The following MCPH1 variants were observed in gnomAD, a reference collection of about 807,000 sequenced individuals.
MCPH1 encodes the protein microcephalin.
In MCPH1, 104 loss-of-function variants were observed where a neutral mutation model predicts 84.5. That is an observed-to-expected ratio of 1.23 (90% CI 1.05 to 1.45). MCPH1 has a LOEUF of 1.45. Ranked by LOEUF, MCPH1 falls within the 40% of genes most tolerant of loss-of-function variation. The pLI is 0.00. For missense variants in MCPH1, 1,498 were observed against 1,005.7 expected (o/e 1.49, Z -6.62); for synonymous variants, 514 against 366.8 (o/e 1.40, Z -4.58).
In MCPH1 at chr8:6,444,400, C is replaced by T. The variant is rs368040153; in HGVS notation, c.678C>T (p.Tyr226=). 6.2e-6 allele frequency: 10 copies of T among 1,613,976 alleles called. No homozygotes were observed. In the African/African-American group the frequency reaches 1.3e-4, roughly 22 times the overall value. The change falls in exon 8 of 14, where the codon TAC becomes TAT. Residue 226 remains tyrosine (Y), a synonymous_variant. Coordinates refer to ENST00000344683, the MANE Select transcript of MCPH1 (RefSeq NM_024596.5). ...TCCGTTAATGTTTTCCAGATGAATA[C>T]TTTGCTGGTGGCTTACACTCATCTT... ...ISRDTLCSDE[Y]FAGGLHSSFD...
At chr8:6,537,940 C>T (rs566130200) in intron 12 of MCPH1, among the ~76,000 whole-genome samples, 1 of 152,034 alleles carries the variant, frequency 6.6e-6, no homozygotes, top group Non-Finnish European at 1.5e-5. Context: ...AGTTTTTGTC[C>T]ATCTGAGTGA....
intron 12 of MCPH1, chr8:6,562,936 C>G: frequency 2.5e-6 from 4 of 1,581,046 alleles, no homozygotes; most frequent in East Asian, 2.3e-5. Context: ...CTGCCACATT[C>G]TTTCTTCAGT....
At chr8:6,491,608 AATGCTATCCCTCCC>A (rs1810600517) in intron 11 of MCPH1, among the ~76,000 whole-genome samples, 1 of 151,874 alleles carries the variant, frequency 6.6e-6, no homozygotes, top group African/African-American at 2.4e-5. Context: ...TATATCTCCT[AATGCTATCCCTCCC>A]CACTCCCCCG....
chr8:6,494,414 C>T (rs1260716423), intron 11 of MCPH1: 1 of 152,152 alleles, frequency 6.6e-6, no homozygotes, highest in South Asian at 2.1e-4. Flanking sequence ...ATGGATAAGG[C>T]AGTGGATTTC....
At chr8:6,589,528 C>G (rs776360260) in intron 12 of MCPH1, among the ~76,000 whole-genome samples, 28 of 152,118 alleles carry the variant, frequency 1.8e-4, no homozygotes, top group Non-Finnish European at 1.8e-4. Context: ...ATGATGAAAT[C>G]CTGAACAACA....
intron 2 of MCPH1, among the ~76,000 whole-genome samples, chr8:6,410,150 A>G (rs1220865935): frequency 2.0e-5 from 3 of 149,288 alleles, no homozygotes; most frequent in African/African-American, 4.9e-5. Flanking sequence ...TTTTTTTTGT[A>G]TTTTTAGTAA....
At chr8:6,560,523 C>T (rs560466742) in intron 12 of MCPH1, among the ~76,000 whole-genome samples, 3 of 152,248 alleles carry the variant, frequency 2.0e-5, no homozygotes, top group African/African-American at 4.8e-5. Context: ...GTAAACCGAG[C>T]GAGAGTGCAA....
chr8:6,562,578 T>TTTTTTTTTTTTTTTTA, intron 12 of MCPH1: 325 of 880,102 alleles, frequency 3.7e-4, no homozygotes, highest in Middle Eastern at 5.1e-4. Context: ...TTTTGGTTGT[T>TTTTTTTTTTTTTTTTA]AAAACCTGAG....
intron 12 of MCPH1, among the ~76,000 whole-genome samples, chr8:6,585,239 C>G (rs1264483263): frequency 6.6e-6 from 1 of 152,224 alleles, no homozygotes; most frequent in Non-Finnish European, 1.5e-5. Context: ...TGGGGTCTCA[C>G]TAGTGCACAG....
At chr8:6,479,456 A>G (rs1030598923) in intron 10 of MCPH1, among the ~76,000 whole-genome samples, 1 of 143,004 alleles carries the variant, frequency 7.0e-6, no homozygotes, top group Non-Finnish European at 1.5e-5. Flanking sequence ...TTATTTTGAG[A>G]CAGAGTCTCC....
chr8:6,588,450 G>A (rs1035796252), intron 12 of MCPH1, among the ~76,000 whole-genome samples: 9 of 152,052 alleles, frequency 5.9e-5, no homozygotes, highest in Non-Finnish European at 8.8e-5. Context: ...ATTTGCCAAG[G>A]TCTTTGGGGT....
chr8:6,497,727 C>G (rs896159141), intron 11 of MCPH1, among the ~76,000 whole-genome samples: 5 of 152,154 alleles, frequency 3.3e-5, no homozygotes, highest in Non-Finnish European at 7.3e-5. Context: ...TGTATGGGAG[C>G]TCTCTGTACC....
intron 11 of MCPH1, among the ~76,000 whole-genome samples, chr8:6,488,063 T>C (rs1036245349): frequency 2.0e-5 from 3 of 152,240 alleles, no homozygotes; most frequent in African/African-American, 7.2e-5. Context: ...TGCCCAGACA[T>C]AGAACCCACA....
chr8:6,433,311 T>G (rs1220620538), intron 4 of MCPH1, among the ~76,000 whole-genome samples: 1 of 152,168 alleles, frequency 6.6e-6, no homozygotes, highest in Admixed American at 6.5e-5. Context: ...ATTTTGATTT[T>G]ACCAGCTCCA....
chr8:6,513,075 C>T (rs892071341), intron 12 of MCPH1, among the ~76,000 whole-genome samples: 1 of 152,218 alleles, frequency 6.6e-6, no homozygotes, highest in Non-Finnish European at 1.5e-5. Flanking sequence ...ACTTACTATT[C>T]ACTGATTTTA....
chr8:6,536,520 C>T (rs1820529702), intron 12 of MCPH1, among the ~76,000 whole-genome samples: 1 of 152,114 alleles, frequency 6.6e-6, no homozygotes, highest in Admixed American at 6.5e-5. Context: ...GCCATTTTTA[C>T]CACCAGAAAA....
At chr8:6,605,093 C>T (rs1829655740) in intron 12 of MCPH1, among the ~76,000 whole-genome samples, 1 of 152,186 alleles carries the variant, frequency 6.6e-6, no homozygotes, top group Non-Finnish European at 1.5e-5. Context: ...CTGTGAGTCT[C>T]AGTGGTCCTG....
chr8:6,508,602 A>C, intron 12 of MCPH1: 1 of 463,834 alleles, frequency 2.2e-6, no homozygotes, highest in South Asian at 5.0e-5. Context: ...TTTTACATAA[A>C]GCAAAATGTA....
intron 8 of MCPH1, among the ~76,000 whole-genome samples, chr8:6,454,072 C>T (rs1434286248): frequency 6.6e-6 from 1 of 152,170 alleles, no homozygotes; most frequent in Non-Finnish European, 1.5e-5. Context: ...ACTCTCCAAA[C>T]TTAGTTATAG....
Sources: allele counts gnomAD v4.1 joint callset (sites outside exome capture counted in the v4.1 genomes callset), GRCh38; gene constraint gnomAD v4.1.1; transcripts MANE v1.5; gene names NCBI Gene and HGNC (gene_info 2026-07-23, HGNC 2026-07-21).